STK38: variants seen among roughly 807,000 people sequenced by gnomAD.
STK38 encodes the protein serine/threonine-protein kinase 38.
STK38 carries 26 observed loss-of-function variants against 59.0 expected under a neutral mutation model. The ratio of observed to expected loss-of-function variants is 0.44; its 90% CI spans 0.32 to 0.61. The LOEUF (loss-of-function observed/expected upper bound fraction) is 0.61. Among genes scored for constraint, STK38 ranks in the 20% least tolerant of loss-of-function variants. The pLI is 0.04. For missense variants in STK38, 433 were observed against 566.0 expected, an observed-to-expected ratio of 0.76 and a Z score of 2.38; for synonymous variants, 175 against 176.6, an observed-to-expected ratio of 0.99 and a Z score of 0.07.
rs115774993 is a variant in STK38, at chr6:36,521,895, T to C, written c.307-78A>G. On this transcript the variant is annotated intron_variant, in intron 4 of 13. Transcript: ENST00000229812. The stretch of plus-strand genomic sequence containing the variant: ...TGCTTTCATGTGTTATAGGATGCAA[T>C]AATTAACTGAAAAAGTATTACAATT... The C allele has an allele frequency of 1.3e-3, 1,488 of 1,138,140 alleles. 15 individuals are homozygous for C. In the African/African-American group the frequency reaches 0.021, roughly 16 times the overall value. The allele number at this position is 1,138,140 out of a possible 1,614,324, so 70.5% of individuals were successfully genotyped here.
chr6:36,495,943 T>C (rs1776693003), intron 13 of STK38, 29 bp from the exon 14 acceptor site: 1 of 1,613,090 alleles, frequency 6.2e-7, no homozygotes, highest in Non-Finnish European at 8.5e-7. Flanking sequence ...TGAGAGTTGA[T>C]TCACTGCCTT....
At chr6:36,506,702 T>A in intron 8 of STK38, 58 bp from the exon 9 acceptor site, 1 of 1,506,134 alleles carries the variant, frequency 6.6e-7, no homozygotes, top group Non-Finnish European at 9.1e-7. Context: ...TTACTACTTT[T>A]TTTAGTAGGC....
intron 7 of STK38, among the ~76,000 whole-genome samples, chr6:36,512,190 C>G (rs1777127192): frequency 6.6e-6 from 1 of 152,182 alleles, no homozygotes; most frequent in South Asian, 2.1e-4. Context: ...AACAGGAACT[C>G]AAAACTCCTA....
intron 9 of STK38, among the ~76,000 whole-genome samples, chr6:36,503,480 G>A (rs912134977): frequency 1.6e-4 from 24 of 151,340 alleles, no homozygotes; most frequent in African/African-American, 4.6e-4. Context: ...TTTAAATGCA[G>A]ATATTAACAC....
At chr6:36,544,137 A>C (rs982087285) in intron 1 of STK38, among the ~76,000 whole-genome samples, 2 of 152,226 alleles carry the variant, frequency 1.3e-5, no homozygotes, top group African/African-American at 4.8e-5. Flanking sequence ...CAGAGCAGAG[A>C]TTCAAAACTA....
At chr6:36,497,694 G>T in intron 12 of STK38, 86 bp downstream of exon 12, 1 of 1,064,614 alleles carries the variant, frequency 9.4e-7, no homozygotes, top group Non-Finnish European at 1.4e-6. Flanking sequence ...CCCTTACTTG[G>T]CTTGCCAATG....
rs765672780 is a variant in STK38 at position 36,524,435 on chromosome 6, C to A, written c.212G>T (p.Arg71Leu). The part of the protein sequence containing the change: ...EKRLRRSAHA[R>L]KETEFLRLKR... Reference sequence around the variant, plus strand: ...CAAACGAAGAAACTCTGTTTCCTTCCGAGCATGTGCTGATCTCCGGAGTCG... The same window carrying A: ...CAAACGAAGAAACTCTGTTTCCTTCAGAGCATGTGCTGATCTCCGGAGTCG... The change falls in exon 4 of 14, where the codon CGG (arginine) becomes CTG (leucine). Residue 71 changes from arginine (R) to leucine (L), a missense_variant. Physicochemically the swap from Arg to Leu is moderately radical, Grantham distance 102. This residue lies in a region of STK38 where 293 missense variants were observed against 388.2 expected (regional missense o/e 0.75). Coordinates refer to ENST00000229812, the MANE Select transcript of STK38 (RefSeq NM_007271.4). The A allele has an allele frequency of 2.5e-6, 4 of 1,609,530 alleles. No individual in the cohort carries two copies. In the South Asian group the frequency reaches 4.5e-5, roughly 18 times the overall value.
At chr6:36,516,509 A>C (rs575787545) in intron 6 of STK38, among the ~76,000 whole-genome samples, 1 of 152,340 alleles carries the variant, frequency 6.6e-6, no homozygotes, top group Non-Finnish European at 1.5e-5. Context: ...GTTTTGTATT[A>C]TTGGAGAAAA....
chr6:36,532,222 G>C (rs1777680768), intron 2 of STK38, among the ~76,000 whole-genome samples: 1 of 149,348 alleles, frequency 6.7e-6, no homozygotes, highest in Non-Finnish European at 1.5e-5. Flanking sequence ...AGGATGGCTT[G>C]AGCCCAGGAG....
intron 5 of STK38, 30 bp downstream of exon 5, chr6:36,521,704 G>A: frequency 3.3e-6 from 5 of 1,529,474 alleles, no homozygotes; most frequent in Non-Finnish European, 4.4e-6. Context: ...AAATTAATAA[G>A]CTAAAAGCAC....
chr6:36,498,851 A>C (rs1358358973), intron 10 of STK38, among the ~76,000 whole-genome samples: 2 of 152,138 alleles, frequency 1.3e-5, no homozygotes, highest in Non-Finnish European at 2.9e-5. Flanking sequence ...TCGACCTCCC[A>C]AAGTGCTGGG....
At chr6:36,532,853 T>C (rs532419248) in intron 2 of STK38, among the ~76,000 whole-genome samples, 1 of 151,796 alleles carries the variant, frequency 6.6e-6, no homozygotes, top group African/African-American at 2.4e-5. Context: ...GAGCCGAGAT[T>C]ATGCCATTGC....
At chr6:36,543,699 T>C (rs1484501142) in intron 1 of STK38, among the ~76,000 whole-genome samples, 2 of 152,158 alleles carry the variant, frequency 1.3e-5, no homozygotes, top group Non-Finnish European at 2.9e-5. Context: ...TGGAGTGCAA[T>C]GGCACAATCT....
chr6:36,525,686 A>G, intron 2 of STK38, 44 bp from the exon 3 acceptor site: 3 of 1,535,694 alleles, frequency 2.0e-6, no homozygotes, highest in South Asian at 2.3e-5. Context: ...CATCTGAATG[A>G]TAACTTTCTG....
At chr6:36,543,324 C>T (rs1777986242) in intron 1 of STK38, among the ~76,000 whole-genome samples, 1 of 152,140 alleles carries the variant, frequency 6.6e-6, no homozygotes, top group Admixed American at 6.5e-5. Context: ...CTCAGCCTCC[C>T]AAAGTGCTGG....
At chr6:36,512,384 T>C (rs899176166) in intron 7 of STK38, among the ~76,000 whole-genome samples, 6 of 152,122 alleles carry the variant, frequency 3.9e-5, no homozygotes, top group Non-Finnish European at 8.8e-5. Context: ...GAACATAGAC[T>C]ACAGGGGACA....
intron 9 of STK38, among the ~76,000 whole-genome samples, chr6:36,506,057 TG>T (rs1057105862): frequency 2.0e-5 from 3 of 152,232 alleles, no homozygotes; most frequent in African/African-American, 4.8e-5. Context: ...CAAAGTCAAA[TG>T]CATATAAAGT....
In STK38 at chr6:36,543,069, A is replaced by AT. The variant is rs918419637; in HGVS notation, c.-5-2863dup. 9.3e-3 allele frequency among the ~76,000 whole-genome samples: 1,362 copies of AT among 145,880 alleles called. 11 individuals are homozygous for AT. The highest frequency in any genetic ancestry group is 0.023 in the African/African-American group (935 of 40,074). On this transcript the variant is annotated intron_variant, in intron 1 of 13. Coordinates refer to ENST00000229812, the MANE Select transcript of STK38 (RefSeq NM_007271.4). ...GCTCCAGCATTGGCAATAGCGCTCA[A>AT]TTTTTTTTTTTTTGAGACGAAGTCT... is the stretch of plus-strand genomic sequence containing the variant.
intron 9 of STK38, among the ~76,000 whole-genome samples, chr6:36,501,071 G>A (rs1776826530): frequency 6.6e-6 from 1 of 152,114 alleles, no homozygotes; most frequent in Non-Finnish European, 1.5e-5. Flanking sequence ...TCCCACCTCA[G>A]CCACCATAGT....
Sources: allele counts gnomAD v4.1 joint callset (sites outside exome capture counted in the v4.1 genomes callset), GRCh38; gene constraint gnomAD v4.1.1; regional missense constraint gnomAD v4.1.1; transcripts MANE v1.5; gene names NCBI Gene and HGNC (gene_info 2026-07-23, HGNC 2026-07-21).